IL13RA2: variants seen among roughly 807,000 people sequenced by gnomAD.
The protein encoded by IL13RA2 is interleukin 13 receptor subunit alpha 2.
A neutral mutation model predicts 34.1 loss-of-function variants in IL13RA2; 25 were observed. That is an observed-to-expected ratio of 0.73 (90% CI 0.53 to 1.03). The LOEUF (loss-of-function observed/expected upper bound fraction) is 1.03. Ranked by LOEUF, IL13RA2 falls within the 50% of genes least tolerant of loss-of-function variation. The probability of loss-of-function intolerance (pLI) is 0.00; values close to 1 mark genes in which losing one functional copy is unlikely to be tolerated. For missense variants in IL13RA2, 297 were observed against 280.9 expected (o/e 1.06, Z -0.41); for synonymous variants, 106 against 100.4 (o/e 1.06, Z -0.33).
At chrX:115,011,413 G>C (rs2071705442) in intron 5 of IL13RA2, among the ~76,000 whole-genome samples, 1 of 111,966 alleles carries the variant, frequency 8.9e-6, no homozygotes, top group South Asian at 3.7e-4. Context: ...TATTAAATGA[G>C]AAATGTTACC....
Position 115,005,277 on chromosome X carries a change from G to T in IL13RA2, c.1036C>A (p.Leu346Ile), listed in dbSNP as rs782099314. ...AATATTAAGATGAAACCAAATGGTA[G>T]CCAGAAACGTAGCAAAGTTTTCTTC... Reference protein sequence around the residue: ...LSKKTLLRFWLPFGFILILVI... With the variant: ...LSKKTLLRFWIPFGFILILVI... The change falls in exon 9 of 10, where the codon CTA becomes ATA. Residue 346 changes from leucine (L) to isoleucine (I), a missense_variant. Transcript: ENST00000243213. The T allele has an allele frequency of 8.8e-7, 1 of 1,130,049 alleles. No individual in the cohort carries two copies. Among genetic ancestry groups the T allele is most frequent in the South Asian group, 1.8e-5 (1 of 55,003 alleles). 93.1% of individuals were successfully genotyped at this position (1,130,049 alleles called of 1,213,427 possible). A position where few individuals can be genotyped will look rare whatever the true frequency, so the allele number is the denominator to read the frequency against.
In IL13RA2 at chrX:115,012,713, C is replaced by T. The variant is rs375384403; in HGVS notation, c.521+1056G>A. Reference sequence around the variant, plus strand: ...CCAGGAGGTGGAGGCTGCAGTGAGCCGAGATGGCACCACTGCACTCCAGCC... The same window carrying T: ...CCAGGAGGTGGAGGCTGCAGTGAGCTGAGATGGCACCACTGCACTCCAGCC... On this transcript the variant is annotated intron_variant, in intron 5 of 9. Coordinates refer to ENST00000243213, the MANE Select transcript of IL13RA2 (RefSeq NM_000640.3). 1.1e-4 allele frequency among the ~76,000 whole-genome samples: 12 copies of T among 109,718 alleles called. No homozygotes were observed. The East Asian group carries it at 1.4e-3, about 13-fold the overall frequency.
At chrX:115,006,625 G>A (rs2071686380) in intron 8 of IL13RA2, among the ~76,000 whole-genome samples, 1 of 111,446 alleles carries the variant, frequency 9.0e-6, no homozygotes, top group African/African-American at 3.3e-5. Context: ...AGAGGTGACA[G>A]AGAGCCAACA....
intron 9 of IL13RA2, 36 bp downstream of exon 9, chrX:115,005,161 T>C: frequency 1.6e-6 from 1 of 621,580 alleles, no homozygotes. Context: ...AAATCTCCTA[T>C]TCTCAGGCTA....
intron 5 of IL13RA2, 130 bp from the exon 6 acceptor site, chrX:115,010,958 A>T (rs1437811176): frequency 1.2e-5 from 4 of 337,509 alleles, no homozygotes; most frequent in African/African-American, 5.5e-5. Flanking sequence ...ATATTTATTA[A>T]GCACCTACTA....
At chrX:115,005,496 A>G (rs961477888) in intron 8 of IL13RA2, among the ~76,000 whole-genome samples, 181 bp from the exon 9 acceptor site, 7 of 112,648 alleles carry the variant, frequency 6.2e-5, no homozygotes, top group African/African-American at 2.3e-4. Context: ...TGCAATTTTT[A>G]TATAGAAAAG....
At chrX:115,015,541 G>T (rs1257362903) in intron 3 of IL13RA2, 129 bp downstream of exon 3, 5 of 537,673 alleles carry the variant, frequency 9.3e-6, no homozygotes, top group Non-Finnish European at 1.3e-5. Flanking sequence ...AGACAGAAGC[G>T]GGTGTGGAAG....
intron 3 of IL13RA2, among the ~76,000 whole-genome samples, chrX:115,015,092 C>T (rs1351712542): frequency 9.0e-6 from 1 of 111,669 alleles, no homozygotes; most frequent in African/African-American, 3.3e-5. Context: ...TCAATAAATG[C>T]TCAATTTGAA....
At chrX:115,012,524 G>A (rs1013095668) in intron 5 of IL13RA2, among the ~76,000 whole-genome samples, 5 of 111,910 alleles carry the variant, frequency 4.5e-5, no homozygotes, top group Non-Finnish European at 1.9e-5. Context: ...CAGCGCTTTC[G>A]GAGGCTGAGG....
chrX:115,017,064 A>T lies in IL13RA2; in HGVS notation c.94+112T>A, dbSNP rs2071730962. The T allele has an allele frequency of 6.2e-6, 3 of 484,002 alleles. No homozygotes were observed. The South Asian group carries it at 1.0e-4, about 16-fold the overall frequency. 39.9% of individuals were successfully genotyped at this position (484,002 alleles called of 1,213,427 possible). ...TAGTTTCAATAACAATTCATCTACT[A>T]GTTAGTTATGCACTTCCATAAGGCA... is the stretch of plus-strand genomic sequence containing the variant. On this transcript the variant is annotated intron_variant, in intron 2 of 9. Coordinates refer to ENST00000243213, the MANE Select transcript of IL13RA2 (RefSeq NM_000640.3).
intron 3 of IL13RA2, 73 bp downstream of exon 3, chrX:115,015,597 G>T: frequency 1.1e-6 from 1 of 904,234 alleles, no homozygotes; most frequent in Non-Finnish European, 1.6e-6. Flanking sequence ...GAATTGGAGC[G>T]GACACTAAAG....
At chrX:115,017,016 T>C (rs2071730673) in intron 2 of IL13RA2, among the ~76,000 whole-genome samples, 160 bp downstream of exon 2, 1 of 111,456 alleles carries the variant, frequency 9.0e-6, no homozygotes. Context: ...AGAACATAGC[T>C]TTTTTTCATG....
chrX:115,009,534 T>C lies in IL13RA2; in HGVS notation c.839A>G (p.Asp280Gly), dbSNP rs782559506. Residue 280 changes from aspartate to glycine, a missense_variant, in exon 7 of 10, where the codon GAT becomes GGT. Coordinates refer to ENST00000243213, the MANE Select transcript of IL13RA2 (RefSeq NM_000640.3). ...CAATATTCATACCACCAAGGTAGTA[T>C]CATCTTCTCTGATCTCAATTTCATA... ...FDYEIEIRED[D>G]TTLVTATVEN... 8 of 1,194,818 alleles carry C rather than the reference T, an allele frequency of 6.7e-6. No individual in the cohort carries two copies. Among genetic ancestry groups the C allele is most frequent in the Non-Finnish European group, 9.1e-6 (8 of 881,736 alleles).
At position 115,017,322 on chromosome X, in the gene IL13RA2, C is replaced by T. The variant is rs2071732402; in HGVS notation, c.-33-20G>A. The T allele has an allele frequency of 5.0e-6, 3 of 597,796 alleles. No homozygotes were observed. The highest frequency in any genetic ancestry group is 8.7e-6 in the Non-Finnish European group (3 of 346,437). 49.3% of individuals were successfully genotyped at this position (597,796 alleles called of 1,213,427 possible). On this transcript the variant is annotated intron_variant, in intron 1 of 9. Transcript: ENST00000243213. ...GCCTCTCTATGAAGGAAAAATATAA[C>T]ATTTTAACTTTATCTTACATCAAAT...
intron 5 of IL13RA2, 115 bp downstream of exon 5, chrX:115,013,654 T>A: frequency 6.4e-6 from 3 of 467,748 alleles, no homozygotes; most frequent in South Asian, 7.4e-5. Context: ...TCATCATAAA[T>A]ACAACTCTGA....
At chrX:115,009,285 TTG>T (rs1556508362) in intron 7 of IL13RA2, among the ~76,000 whole-genome samples, 1 of 111,015 alleles carries the variant, frequency 9.0e-6, no homozygotes, top group Non-Finnish European at 1.9e-5. Flanking sequence ...CTTTAATTTA[TTG>T]ACACAAAATT....
chrX:115,016,546 CTAACAA>C (rs374447275), intron 2 of IL13RA2, among the ~76,000 whole-genome samples: 30 of 106,350 alleles, frequency 2.8e-4, no homozygotes, highest in African/African-American at 1.0e-3. Context: ...AAAAATCTGT[CTAACAA>C]TAACAATAAC....
intron 8 of IL13RA2, among the ~76,000 whole-genome samples, chrX:115,006,909 C>G (rs2071687490): frequency 9.0e-6 from 1 of 111,617 alleles, no homozygotes; most frequent in Non-Finnish European, 1.9e-5. Flanking sequence ...AAACATAAAA[C>G]TAGTAAGTCT....
intron 8 of IL13RA2, among the ~76,000 whole-genome samples, chrX:115,006,410 C>T (rs1432728510): frequency 8.9e-6 from 1 of 112,208 alleles, no homozygotes; most frequent in Admixed American, 9.5e-5. Context: ...GGGCTGGGCA[C>T]AGTGGCTCAT....
Sources: gnomAD v4.1 joint callset for allele counts (sites outside exome capture counted in the v4.1 genomes callset) on GRCh38, gnomAD v4.1.1 for gene constraint, MANE v1.5 for transcripts, NCBI Gene and HGNC (gene_info 2026-07-23, HGNC 2026-07-21) for gene names.